Variants in NHERF1 observed in about 807,000 individuals in gnomAD.
The protein encoded by NHERF1 is Na(+)/H(+) exchange regulatory cofactor NHE-RF1.
chr17:74,755,032 C>T, the NHERF1 span, among the ~76,000 whole-genome samples: 1 of 152,186 alleles, frequency 6.6e-6, no homozygotes, highest in African/African-American at 2.4e-5. Flanking sequence ...AGCGACTCCT[C>T]CCACACAGCG....
chr17:74,768,603 C>G, the NHERF1 span: 2 of 1,614,144 alleles, frequency 1.2e-6, no homozygotes, highest in Non-Finnish European at 1.7e-6. Context: ...CAGCAGCAAA[C>G]GGGCCCCGCA....
the NHERF1 span, among the ~76,000 whole-genome samples, chr17:74,766,735 G>A: frequency 6.6e-6 from 1 of 152,008 alleles, no homozygotes; most frequent in African/African-American, 2.4e-5. Flanking sequence ...GCATGACATG[G>A]CAAGGCCCCA....
the NHERF1 span, among the ~76,000 whole-genome samples, chr17:74,765,650 C>G: frequency 2.2e-3 from 333 of 151,532 alleles, 1 homozygote; most frequent in African/African-American, 7.8e-3. Context: ...CTCCTGGGTT[C>G]AAGCAATTCT....
At chr17:74,751,774 G>A in the NHERF1 span, among the ~76,000 whole-genome samples, 1 of 152,372 alleles carries the variant, frequency 6.6e-6, no homozygotes, top group African/African-American at 2.4e-5. The surrounding 1 kb of genome is among the most constrained non-coding windows in gnomAD (Gnocchi z 4.3). Flanking sequence ...CTAAACCCTT[G>A]AGTCTGGGTT....
At chr17:74,767,168 G>A in the NHERF1 span, among the ~76,000 whole-genome samples, 1 of 152,342 alleles carries the variant, frequency 6.6e-6, no homozygotes, top group African/African-American at 2.4e-5. Context: ...GGCCAAAGCT[G>A]TCAGGAGGGA....
the NHERF1 span, among the ~76,000 whole-genome samples, chr17:74,749,847 C>T: frequency 6.6e-6 from 1 of 152,248 alleles, no homozygotes; most frequent in Non-Finnish European, 1.5e-5. This position sits in a 1 kb window ranked among gnomAD's most constrained non-coding sequence, Gnocchi z 5.6. Context: ...TGCTGGACTT[C>T]ATCCTCCCGG....
chr17:74,759,018 G>C, the NHERF1 span, among the ~76,000 whole-genome samples: 136 of 152,314 alleles, frequency 8.9e-4, no homozygotes, highest in African/African-American at 3.2e-3. Context: ...GGAGGCTCCT[G>C]CTAGGGAGGG....
the NHERF1 span, chr17:74,768,622 G>A: frequency 1.7e-5 from 27 of 1,613,998 alleles, no homozygotes; most frequent in South Asian, 3.3e-5. Context: ...CAGATGGACT[G>A]GAGCAAGAAA....
At chr17:74,759,167 G>T in the NHERF1 span, among the ~76,000 whole-genome samples, 1 of 152,198 alleles carries the variant, frequency 6.6e-6, no homozygotes, top group Non-Finnish European at 1.5e-5. Context: ...GTCTACCGGG[G>T]GCTTCCCATC....
chr17:74,749,988 A>C, the NHERF1 span, among the ~76,000 whole-genome samples: 4,376 of 152,316 alleles, frequency 0.029, 204 homozygotes, highest in African/African-American at 0.099. This position sits in a 1 kb window ranked among gnomAD's most constrained non-coding sequence, Gnocchi z 5.6. Flanking sequence ...TACGATTCTC[A>C]GGAATGTGAA....
At chr17:74,765,445 A>C in the NHERF1 span, among the ~76,000 whole-genome samples, 1 of 151,472 alleles carries the variant, frequency 6.6e-6, no homozygotes, top group Non-Finnish European at 1.5e-5. Flanking sequence ...TTTTTAGTAG[A>C]GATGGGGTTT....
At chr17:74,754,858 T>G in the NHERF1 span, among the ~76,000 whole-genome samples, 1 of 152,232 alleles carries the variant, frequency 6.6e-6, no homozygotes, top group Admixed American at 6.5e-5. Flanking sequence ...GTTCAATACA[T>G]GATAGCTACT....
the NHERF1 span, among the ~76,000 whole-genome samples, chr17:74,755,247 T>A: frequency 6.6e-6 from 1 of 152,078 alleles, no homozygotes; most frequent in Non-Finnish European, 1.5e-5. Context: ...GGTGCTCCTG[T>A]CCCTAGCAGG....
chr17:74,768,618 G>A, the NHERF1 span: 2 of 1,614,086 alleles, frequency 1.2e-6, no homozygotes, highest in Non-Finnish European at 1.7e-6. Flanking sequence ...CCCGCAGATG[G>A]ACTGGAGCAA....
chr17:74,759,925 A>C, the NHERF1 span, among the ~76,000 whole-genome samples: 3 of 152,284 alleles, frequency 2.0e-5, no homozygotes, highest in African/African-American at 7.2e-5. Context: ...GACAAGCCCC[A>C]GTCAGGTTGT....
At chr17:74,749,098 C>G in the NHERF1 span, 5 of 1,584,324 alleles carry the variant, frequency 3.2e-6, no homozygotes, top group African/African-American at 6.7e-5. The surrounding 1 kb of genome is among the most constrained non-coding windows in gnomAD (Gnocchi z 5.6). Flanking sequence ...CCGCACTCAA[C>G]GCCGTGCGCC....
chr17:74,762,270 C>A, the NHERF1 span: 8 of 1,340,696 alleles, frequency 6.0e-6, no homozygotes, highest in African/African-American at 1.0e-4. This position sits in a 1 kb window ranked among gnomAD's most constrained non-coding sequence, Gnocchi z 4.2. Flanking sequence ...CTTGATTAGC[C>A]CACGGGCATA....
the NHERF1 span, among the ~76,000 whole-genome samples, chr17:74,752,046 C>G: frequency 6.6e-6 from 1 of 152,208 alleles, no homozygotes; most frequent in Admixed American, 6.5e-5. Flanking sequence ...CATGGGGCAG[C>G]TAGCGCTGGG....
At chr17:74,767,012 C>T in the NHERF1 span, 1 of 1,594,732 alleles carries the variant, frequency 6.3e-7, no homozygotes, top group South Asian at 1.1e-5. Context: ...GGATTTCAAT[C>T]CTTGGGGTGC....
Sources: allele counts gnomAD v4.1 joint callset (sites outside exome capture counted in the v4.1 genomes callset), GRCh38; gene constraint gnomAD v4.1.1; non-coding constraint Gnocchi (gnomAD v3.1); transcripts MANE v1.5; gene names NCBI Gene and HGNC (gene_info 2026-07-23, HGNC 2026-07-21).